The following PCDHA2 variants were observed in gnomAD, a reference collection of about 807,000 sequenced individuals.
PCDHA2 encodes the protein protocadherin alpha-2.
A neutral mutation model predicts 66.0 loss-of-function variants in PCDHA2; 58 were observed. The ratio of observed to expected loss-of-function variants is 0.88; its 90% confidence interval spans 0.71 to 1.09. The LOEUF (loss-of-function observed/expected upper bound fraction) is 1.09, where lower values mean the gene tolerates loss of function less well. Among genes scored for constraint, PCDHA2 ranks in the 50% least tolerant of loss-of-function variants. The pLI, the probability that PCDHA2 is intolerant of heterozygous loss-of-function variation, is 0.00. For synonymous variants in PCDHA2, 634 were observed against 554.0 expected (o/e 1.14, Z -2.03); for missense variants, 1,267 against 1,242.3 (o/e 1.02, Z -0.30).
chr5:140,829,848 G>T, intron 1 of PCDHA2: 1 of 1,613,962 alleles, frequency 6.2e-7, no homozygotes, highest in Non-Finnish European at 8.5e-7. Flanking sequence ...CGGTCACTGG[G>T]TGCAGGCCAA....
intron 1 of PCDHA2, among the ~76,000 whole-genome samples, chr5:140,907,345 G>A (rs568376480): frequency 3.3e-5 from 5 of 152,296 alleles, no homozygotes; most frequent in East Asian, 1.9e-4. Flanking sequence ...GCATGAGCCC[G>A]CTGCTGCACT....
At chr5:140,977,862 A>G (rs142967836) in intron 1 of PCDHA2, among the ~76,000 whole-genome samples, 3 of 152,372 alleles carry the variant, frequency 2.0e-5, no homozygotes, top group African/African-American at 7.2e-5. Context: ...TCTACCAAAT[A>G]TGGTAAGTAT....
chr5:140,847,503 C>G lies in PCDHA2; in HGVS notation c.2388+50151C>G, dbSNP rs1445726989. 5 of 149,698 alleles carry G rather than the reference C, an allele frequency of 3.3e-5. 1 individual carries two copies. Among genetic ancestry groups the G allele is most frequent in the Non-Finnish European group, 7.5e-5 (5 of 66,942 alleles). The allele number at this position is 149,698 out of a possible 1,614,324, so 9.3% of individuals were successfully genotyped here. Reference sequence around the variant, plus strand: ...TAAGATAGTAAAACTCACAACAAAACTTTGTAGAACTTAGTCAGGAAAAGA... The same window carrying G: ...TAAGATAGTAAAACTCACAACAAAAGTTTGTAGAACTTAGTCAGGAAAAGA... On this transcript the variant is annotated intron_variant, in intron 1 of 3. Transcript: ENST00000526136.
At chr5:140,857,532 AGCGGCG>A (rs1230491450) in intron 1 of PCDHA2, 2 of 1,597,258 alleles carry the variant, frequency 1.3e-6, no homozygotes, top group African/African-American at 2.7e-5. Flanking sequence ...TCTCTGGTGG[AGCGGCG>A]GTTGGGCGAG....
In PCDHA2 at chr5:140,856,944, G is replaced by A; in HGVS notation, c.2388+59592G>A. Reference sequence around the variant, plus strand: ...AAATTTTGGATAAACGAAAGGACGGGAGAAATAAAAGTAAATGATGCTATT... The same window carrying A: ...AAATTTTGGATAAACGAAAGGACGGAAGAAATAAAAGTAAATGATGCTATT... On this transcript the variant is annotated intron_variant, in intron 1 of 3. Transcript: ENST00000526136. 1.9e-6 allele frequency: 3 copies of A among 1,593,674 alleles called. 1 individual carries two copies. The highest frequency in any genetic ancestry group is 2.6e-6 in the Non-Finnish European group (3 of 1,163,664).
In PCDHA2 at chr5:140,986,391, G is replaced by A. The variant is rs144915625; in HGVS notation, c.2536+3828G>A. Among the ~76,000 whole-genome samples, 1,153 of 152,256 alleles carry A rather than the reference G, an allele frequency of 7.6e-3. 6 individuals are homozygous for A. Among genetic ancestry groups the A allele is most frequent in the Middle Eastern group, 0.014 (4 of 294 alleles). ...GTTTTGGGGGGAGGGACATTAAAGG[G>A]CCAGTCGCTCATGTTACAGCTCTTT... On this transcript the variant is annotated intron_variant, in intron 3 of 3. Transcript: ENST00000526136.
rs748166275 is a variant in PCDHA2 at position 140,954,138 on chromosome 5, T to C, written c.2389-24811T>C. Among the ~76,000 whole-genome samples the C allele has an allele frequency of 5.9e-4, 90 of 152,260 alleles. 1 individual carries two copies. The highest frequency in any genetic ancestry group is 6.5e-4 in the Admixed American group (10 of 15,282). On this transcript the variant is annotated intron_variant, in intron 1 of 3. Coordinates refer to ENST00000526136, the MANE Select transcript of PCDHA2 (RefSeq NM_018905.3). The stretch of plus-strand genomic sequence containing the variant: ...CTTGTTCCTTTTTATGGATGCATAG[T>C]ATTCCATGGTGTATATGTACCACAT...
intron 1 of PCDHA2, among the ~76,000 whole-genome samples, chr5:140,936,910 G>A (rs1221304306): frequency 6.6e-6 from 1 of 152,062 alleles, no homozygotes; most frequent in African/African-American, 2.4e-5. Context: ...TATTGAATCT[G>A]TAGAAAATAT....
intron 1 of PCDHA2, among the ~76,000 whole-genome samples, chr5:140,906,729 G>T (rs1444256364): frequency 1.3e-5 from 2 of 152,184 alleles, no homozygotes; most frequent in Admixed American, 1.3e-4. Flanking sequence ...TGCTGTTGTA[G>T]TTTCCCATTG....
intron 1 of PCDHA2, among the ~76,000 whole-genome samples, chr5:140,931,196 A>T (rs1279027493): frequency 1.3e-5 from 2 of 152,182 alleles, no homozygotes; most frequent in Non-Finnish European, 2.9e-5. Flanking sequence ...GTGCACTACA[A>T]TGCTAGTATT....
At position 140,835,207 on chromosome 5, in the gene PCDHA2, G is replaced by A. The variant is rs2150231838; in HGVS notation, c.2388+37855G>A. The A allele has an allele frequency of 5.0e-5, 79 of 1,567,382 alleles. No individual in the cohort carries two copies. Among genetic ancestry groups the A allele is most frequent in the Non-Finnish European group, 6.5e-5 (75 of 1,153,980 alleles). On this transcript the variant is annotated intron_variant, in intron 1 of 3. Coordinates refer to ENST00000526136, the MANE Select transcript of PCDHA2 (RefSeq NM_018905.3). Reference sequence around the variant, plus strand: ...TCAGATTTAGACGAAGGCTTGAATGGGGATATTATTTACTCCTTCTCCAGT... The same window carrying A: ...TCAGATTTAGACGAAGGCTTGAATGAGGATATTATTTACTCCTTCTCCAGT...
intron 1 of PCDHA2, among the ~76,000 whole-genome samples, chr5:140,952,040 G>T (rs1243206064): frequency 1.3e-5 from 2 of 152,216 alleles, no homozygotes; most frequent in African/African-American, 4.8e-5. Context: ...CAGTAGGGCA[G>T]TTATTAAATC....
In PCDHA2 at chr5:140,876,944, C is replaced by T. The variant is rs550148099; in HGVS notation, c.2388+79592C>T. On this transcript the variant is annotated intron_variant, in intron 1 of 3. Transcript: ENST00000526136. ...GACGCGCAGAAGAACGCGCTGGTGT[C>T]CTACTCGCTGGTGGAGCGGCGGGTG... is the stretch of plus-strand genomic sequence containing the variant. The T allele has an allele frequency of 9.9e-6, 16 of 1,613,620 alleles. No individual in the cohort carries two copies. In the South Asian group the frequency reaches 1.5e-4, roughly 16 times the overall value.
chr5:140,829,347 C>A, intron 1 of PCDHA2: 1 of 1,614,232 alleles, frequency 6.2e-7, no homozygotes, highest in South Asian at 1.1e-5. Context: ...GAGAGCGTGT[C>A]GGCCTATGAG....
At chr5:140,870,257 C>A in intron 1 of PCDHA2, 2 of 1,614,172 alleles carry the variant, frequency 1.2e-6, no homozygotes, top group African/African-American at 1.3e-5. Flanking sequence ...GGACAGGTGA[C>A]CTGCTCGCTG....
chr5:140,967,838 G>A, intron 1 of PCDHA2: 1 of 1,614,124 alleles, frequency 6.2e-7, no homozygotes, highest in Non-Finnish European at 8.5e-7. Flanking sequence ...CATCGTGGAC[G>A]TGAATGACAA....
At position 140,809,611 on chromosome 5, in the gene PCDHA2, T is replaced by A. The variant is rs782280245; in HGVS notation, c.2388+12259T>A. 12 of 1,519,438 alleles carry A rather than the reference T, an allele frequency of 7.9e-6. No individual in the cohort carries two copies. The African/African-American group carries it at 8.4e-5, about 11-fold the overall frequency. The allele number at this position is 1,519,438 out of a possible 1,614,324, so 94.1% of individuals were successfully genotyped here. A position where few individuals can be genotyped will look rare whatever the true frequency, so the allele number is the denominator to read the frequency against. ...ATCCTTTTGTTTAATTTTCGTATTG[T>A]TTTTCTCTATCAACTTCTTCGTAAA... On this transcript the variant is annotated intron_variant, in intron 1 of 3. Transcript: ENST00000526136.
At position 140,829,299 on chromosome 5, in the gene PCDHA2, A is replaced by C. The variant is rs17844301; in HGVS notation, c.2388+31947A>C. 8.3e-4 allele frequency: 1,346 copies of C among 1,614,200 alleles called. 23 individuals carry two copies. In the East Asian group the frequency reaches 0.024, roughly 28 times the overall value. On this transcript the variant is annotated intron_variant, in intron 1 of 3. Transcript: ENST00000526136. Reference sequence around the variant, plus strand: ...TTCAAGCTGGTGTCCACCTTCAAGAATTACTACTCGTTGGTGCTGGACAGT... The same window carrying C: ...TTCAAGCTGGTGTCCACCTTCAAGACTTACTACTCGTTGGTGCTGGACAGT...
chr5:140,985,236 C>G (rs1338808702), intron 3 of PCDHA2, among the ~76,000 whole-genome samples: 1 of 152,184 alleles, frequency 6.6e-6, no homozygotes, highest in Admixed American at 6.5e-5. Context: ...CGCGCCTGGC[C>G]TAATCTTCTT....
Sources: allele counts gnomAD v4.1 joint callset (sites outside exome capture counted in the v4.1 genomes callset), GRCh38; gene constraint gnomAD v4.1.1; transcripts MANE v1.5; gene names NCBI Gene and HGNC (gene_info 2026-07-23, HGNC 2026-07-21).